Variants in RNF114 observed in about 807,000 individuals in gnomAD.
The protein encoded by RNF114 is ring finger protein 114, also known as E3 ubiquitin-protein ligase RNF114.
A neutral mutation model predicts 28.4 loss-of-function variants in RNF114; 6 were observed. The ratio of observed to expected loss-of-function variants is 0.21; its 90% CI spans 0.12 to 0.42. The LOEUF is 0.42. Among genes scored for constraint, RNF114 ranks in the 10% least tolerant of loss-of-function variants. The pLI, the probability that RNF114 is intolerant of heterozygous loss-of-function variation, is 1.00. For missense variants in RNF114, 249 were observed against 311.7 expected (o/e 0.80, Z 1.51); for synonymous variants, 115 against 116.7 (o/e 0.99, Z 0.09).
rs141174439 is a variant in RNF114 at position 49,950,748 on chromosome 20, C to T, written c.622-1328C>T. ...AATTTGGACTTGGGAGGCTCAATCT[C>T]GCATGTCCATGGGGACCATAATTGA... is the stretch of plus-strand genomic sequence containing the variant. On this transcript the variant is annotated intron_variant, in intron 5 of 5. Transcript: ENST00000244061. Among the ~76,000 whole-genome samples, 97 of 151,894 alleles carry T rather than the reference C, an allele frequency of 6.4e-4. 1 individual carries two copies. The East Asian group carries it at 0.016, about 25-fold the overall frequency.
rs71190519 is a variant in RNF114, at chr20:49,947,769, G to GTTTTTTTTTTTTTTTTT, written c.514-1455_514-1439dup. On this transcript the variant is annotated intron_variant, in intron 4 of 5. Transcript: ENST00000244061. ...GTTCTGTCTTCCTCTCCCTCTGCAA[G>GTTTTTTTTTTTTTTTTT]TTTTTTTTTTTTTTTTTTTTTTTTT... is the stretch of plus-strand genomic sequence containing the variant. Among the ~76,000 whole-genome samples, 19 of 50,476 alleles carry GTTTTTTTTTTTTTTTTT rather than the reference G, an allele frequency of 3.8e-4. 5 individuals are homozygous for GTTTTTTTTTTTTTTTTT. Among genetic ancestry groups the GTTTTTTTTTTTTTTTTT allele is most frequent in the Non-Finnish European group, 5.9e-4 (17 of 28,800 alleles). 33.1% of individuals were successfully genotyped at this position (50,476 alleles called of 152,430 possible). A position where few individuals can be genotyped will look rare whatever the true frequency, so the allele number is the denominator to read the frequency against.
Position 49,940,773 on chromosome 20 carries a change from C to G in RNF114, c.141-788C>G, listed in dbSNP as rs112100974. ...TCTCTGCAGTCTTCCCCTCCACCCC[C>G]CCCTTGAGACAGAGTCGCACTCTGT... is the stretch of plus-strand genomic sequence containing the variant. On this transcript the variant is annotated intron_variant, in intron 1 of 5. Coordinates refer to ENST00000244061, the MANE Select transcript of RNF114 (RefSeq NM_018683.4). Among the ~76,000 whole-genome samples the G allele has an allele frequency of 5.9e-3, 889 of 151,152 alleles. 17 individuals carry two copies. The highest frequency in any genetic ancestry group is 0.02 in the African/African-American group (843 of 41,136).
intron 5 of RNF114, 102 bp from the exon 6 acceptor site, chr20:49,951,974 A>ACATGCTCCGGATCCAGTTGCTAGGCTGT: frequency 1.1e-6 from 1 of 926,714 alleles, no homozygotes; most frequent in Non-Finnish European, 1.7e-6. Flanking sequence ...GTCCCTGGCA[A>ACATGCTCCGGATCCAGTTGCTAGGCTGT]CCTGCTCCGG....
chr20:49,936,738 C>T (rs908523936), intron 1 of RNF114, among the ~76,000 whole-genome samples, 186 bp downstream of exon 1: 1 of 152,124 alleles, frequency 6.6e-6, no homozygotes, highest in Non-Finnish European at 1.5e-5. Flanking sequence ...CCCGCTCACT[C>T]CTAAGTATCC....
intron 4 of RNF114, among the ~76,000 whole-genome samples, chr20:49,948,011 C>T (rs987549148): frequency 2.0e-5 from 3 of 151,624 alleles, no homozygotes; most frequent in Non-Finnish European, 2.9e-5. Flanking sequence ...AGGATGGTCT[C>T]GATCTCCTGA....
chr20:49,946,902 G>A (rs1240888424), intron 4 of RNF114, among the ~76,000 whole-genome samples: 1 of 150,054 alleles, frequency 6.7e-6, no homozygotes, highest in East Asian at 1.9e-4. Flanking sequence ...ATTACCTACT[G>A]GCATGTGTAG....
intron 2 of RNF114, among the ~76,000 whole-genome samples, chr20:49,942,861 A>G (rs1413094467): frequency 6.6e-6 from 1 of 152,198 alleles, no homozygotes; most frequent in Non-Finnish European, 1.5e-5. Context: ...AAAGCTGCAT[A>G]ACATTTTCTG....
chr20:49,936,660 G>T, intron 1 of RNF114, 108 bp downstream of exon 1: 3 of 1,380,984 alleles, frequency 2.2e-6, no homozygotes, highest in Non-Finnish European at 2.9e-6. Flanking sequence ...ACCCAGAGGG[G>T]CCTCCCGGGG....
chr20:49,945,001 T>C (rs1438544293), intron 2 of RNF114: 2 of 159,894 alleles, frequency 1.3e-5, no homozygotes, highest in Admixed American at 1.2e-4. Flanking sequence ...CACTTTTCTC[T>C]GCTGCACATA....
intron 1 of RNF114, among the ~76,000 whole-genome samples, chr20:49,939,555 TC>T (rs1034246308): frequency 6.6e-6 from 1 of 152,158 alleles, no homozygotes; most frequent in Admixed American, 6.6e-5. Flanking sequence ...ATTACCATCT[TC>T]CTAGGCTTCA....
chr20:49,938,765 G>A (rs1462450512), intron 1 of RNF114, among the ~76,000 whole-genome samples: 1 of 152,254 alleles, frequency 6.6e-6, no homozygotes, highest in Non-Finnish European at 1.5e-5. Context: ...CAGGCACAAA[G>A]TGACTCGTGA....
intron 4 of RNF114, among the ~76,000 whole-genome samples, chr20:49,948,086 G>C (rs1050099641): frequency 1.3e-5 from 2 of 151,728 alleles, no homozygotes; most frequent in Non-Finnish European, 2.9e-5. Context: ...CACCGCGCCC[G>C]GCCCTCTGCA....
In RNF114 at chr20:49,952,194, T is replaced by TA. The variant is rs1301452824; in HGVS notation, c.*56dup. The TA allele has an allele frequency of 6.7e-7, 1 of 1,491,494 alleles. No individual in the cohort carries two copies. The allele number at this position is 1,491,494 out of a possible 1,614,324, so 92.4% of individuals were successfully genotyped here. On this transcript the variant is annotated 3_prime_UTR_variant, in exon 6 of 6. Coordinates refer to ENST00000244061, the MANE Select transcript of RNF114 (RefSeq NM_018683.4). Reference sequence around the variant, plus strand: ...ATGTTACAGAGCTTCCATTACATATTAAACGTGAAATCTATGACTCCTGTA... The same window carrying TA: ...ATGTTACAGAGCTTCCATTACATATTAAAACGTGAAATCTATGACTCCTGTA...
chr20:49,947,398 G>T (rs1049882673), intron 4 of RNF114, among the ~76,000 whole-genome samples: 2 of 151,886 alleles, frequency 1.3e-5, no homozygotes, highest in Non-Finnish European at 1.5e-5. Flanking sequence ...TGTTGTATGG[G>T]CAGCCTTCAG....
At position 49,953,417 on chromosome 20, in the gene RNF114, A is replaced by G. The variant is rs1309191295; in HGVS notation, c.*1276A>G. 6.6e-6 allele frequency: 1 copy of G among 152,094 alleles called. No individual in the cohort carries two copies. The allele number at this position is 152,094 out of a possible 1,614,324, so 9.4% of individuals were successfully genotyped here. On this transcript the variant is annotated 3_prime_UTR_variant, in exon 6 of 6. Transcript: ENST00000244061. ...GAACCTCTGATTGACCAAAAGGCAT[A>G]TGGGTTTAGGTTGGTTTTTTGATGT... is the stretch of plus-strand genomic sequence containing the variant.
At chr20:49,938,074 C>T (rs777369599) in intron 1 of RNF114, among the ~76,000 whole-genome samples, 10 of 152,276 alleles carry the variant, frequency 6.6e-5, no homozygotes, top group East Asian at 1.9e-4. Flanking sequence ...ACTAATAAGT[C>T]GTGTAAGCAA....
At chr20:49,947,364 C>G (rs2090336886) in intron 4 of RNF114, among the ~76,000 whole-genome samples, 1 of 151,922 alleles carries the variant, frequency 6.6e-6, no homozygotes, top group Admixed American at 6.6e-5. Context: ...TTATCTCATA[C>G]TGCTTCTCTT....
At chr20:49,940,957 T>A (rs1249886857) in intron 1 of RNF114, 9 of 152,272 alleles carry the variant, frequency 5.9e-5, no homozygotes, top group Non-Finnish European at 2.9e-5. Context: ...GTAAGGCTGG[T>A]CTCAAACTCC....
At chr20:49,951,315 T>C in intron 5 of RNF114, among the ~76,000 whole-genome samples, 1 of 151,566 alleles carries the variant, frequency 6.6e-6, no homozygotes, top group East Asian at 1.9e-4. Flanking sequence ...TTAACAAAAA[T>C]GACTCATTAA....
Sources: gnomAD v4.1 joint callset for allele counts (sites outside exome capture counted in the v4.1 genomes callset) on GRCh38, gnomAD v4.1.1 for gene constraint, MANE v1.5 for transcripts, NCBI Gene and HGNC (gene_info 2026-07-23, HGNC 2026-07-21) for gene names.